The following RASAL1 variants were observed in gnomAD, a reference collection of about 807,000 sequenced individuals.
RASAL1 encodes the protein rasGAP-activating-like protein 1.
RASAL1 carries 72 observed loss-of-function variants against 96.6 expected under a neutral mutation model. That is an observed-to-expected ratio of 0.75 (90% CI 0.62 to 0.91). RASAL1 has a LOEUF of 0.91. Among genes scored for constraint, RASAL1 ranks in the 40% least tolerant of loss-of-function variants. The probability of loss-of-function intolerance (pLI) is 0.00; values close to 1 mark genes in which losing one functional copy is unlikely to be tolerated. For missense variants in RASAL1, 1,016 were observed against 1,072.5 expected (o/e 0.95, Z 0.74); for synonymous variants, 405 against 430.4 (o/e 0.94, Z 0.73).
rs765881845 is a variant in RASAL1 at position 113,130,863 on chromosome 12, C to A, written c.122+22G>T. 2.5e-6 allele frequency: 4 copies of A among 1,605,784 alleles called. No individual in the cohort carries two copies. The highest frequency in any genetic ancestry group is 2.2e-5 in the South Asian group (2 of 90,500). On this transcript the variant is annotated intron_variant, in intron 2 of 20. Coordinates refer to ENST00000548055, the MANE Select transcript of RASAL1 (RefSeq NM_001301202.2). The surrounding 1 kb of genome is among the most constrained non-coding windows in gnomAD (Gnocchi z 5.1). Reference sequence around the variant, plus strand: ...AAAGAGACCCCTCCCTTCCTCCTCTCCCCCGTGTCGCCACCCCTCACCTGG... The same window carrying A: ...AAAGAGACCCCTCCCTTCCTCCTCTACCCCGTGTCGCCACCCCTCACCTGG...
chr12:113,105,687 G>A lies in RASAL1; in HGVS notation c.1830+27C>T, dbSNP rs759009906. 29 of 1,565,692 alleles carry A rather than the reference G, an allele frequency of 1.9e-5. No individual in the cohort carries two copies. In the South Asian group the frequency reaches 3.2e-4, roughly 17 times the overall value. ...CACTGAAAAAGGCCACCCCTGGAAA[G>A]CCCTCCATAGTGGACTGGAACCCCA... On this transcript the variant is annotated intron_variant, in intron 16 of 20. Coordinates refer to ENST00000548055, the MANE Select transcript of RASAL1 (RefSeq NM_001301202.2).
rs982176623 is a variant in RASAL1 at position 113,129,203 on chromosome 12, C to T, written c.123-1025G>A. 6.6e-6 allele frequency among the ~76,000 whole-genome samples: 1 copy of T among 152,166 alleles called. No individual in the cohort carries two copies. Among genetic ancestry groups the T allele is most frequent in the African/African-American group, 2.4e-5 (1 of 41,438 alleles). ...GTCCTGGGATTGGGGTTAGCTCAATCGCCCCTGGTTGGGTCGTGGGGGTAG... is the reference window on the plus strand; with the variant it reads ...GTCCTGGGATTGGGGTTAGCTCAATTGCCCCTGGTTGGGTCGTGGGGGTAG... On this transcript the variant is annotated intron_variant, in intron 2 of 20. Coordinates refer to ENST00000548055, the MANE Select transcript of RASAL1 (RefSeq NM_001301202.2). This position sits in a 1 kb window ranked among gnomAD's most constrained non-coding sequence, Gnocchi z 5.0.
chr12:113,115,973 G>C lies in RASAL1; in HGVS notation c.810C>G (p.Leu270=), dbSNP rs1323091072. 1 of 1,610,112 alleles carries C rather than the reference G, an allele frequency of 6.2e-7. No individual in the cohort carries two copies. The highest frequency in any genetic ancestry group is 8.5e-7 in the Non-Finnish European group (1 of 1,177,834). ...RVLPSQCYQP[L]MELLMESVQG... ...GCACAGACTCCATGAGCAGCTCCAT[G>C]AGAGGCTGGTAGCACTGGGAGGGCA... Residue 270 remains leucine, a synonymous_variant, in exon 9 of 21, where the codon CTC becomes CTG. Transcript: ENST00000548055. This position sits in a 1 kb window ranked among gnomAD's most constrained non-coding sequence, Gnocchi z 4.1.
chr12:113,135,507 C>G lies in RASAL1; in HGVS notation c.-45G>C. The G allele has an allele frequency of 6.5e-7, 1 of 1,526,992 alleles. No individual in the cohort carries two copies. The highest frequency in any genetic ancestry group is 8.9e-7 in the Non-Finnish European group (1 of 1,120,628). The allele number at this position is 1,526,992 out of a possible 1,614,324, so 94.6% of individuals were successfully genotyped here. On this transcript the variant is annotated 5_prime_UTR_variant, in exon 1 of 21. Coordinates refer to ENST00000548055, the MANE Select transcript of RASAL1 (RefSeq NM_001301202.2). This position sits in a 1 kb window ranked among gnomAD's most constrained non-coding sequence, Gnocchi z 5.7. ...TCCAGGCAGAAGGGCGCTCAGGTTC[C>G]GAGGCTGGACCAGGGGACGTCTACA...
intron 20 of RASAL1, 21 bp downstream of exon 20, chr12:113,100,607 C>G: frequency 1.3e-6 from 2 of 1,597,408 alleles, no homozygotes; most frequent in Non-Finnish European, 1.7e-6. Flanking sequence ...CCTTTACCTT[C>G]TGAGGTACAG....
At chr12:113,109,561 C>G (rs1374762422) in intron 13 of RASAL1, among the ~76,000 whole-genome samples, 1 of 152,140 alleles carries the variant, frequency 6.6e-6, no homozygotes, top group African/African-American at 2.4e-5. Flanking sequence ...GCATCTTGCT[C>G]CCCCCAAACC....
chr12:113,119,978 T>C (rs905140734), intron 5 of RASAL1, among the ~76,000 whole-genome samples: 10 of 152,028 alleles, frequency 6.6e-5, no homozygotes, highest in Non-Finnish European at 4.4e-5. Flanking sequence ...GGGTGCTTGG[T>C]TCATTTATTC....
rs1186452748 is a variant in RASAL1 at position 113,135,594 on chromosome 12, G to A, written c.-132C>T. On this transcript the variant is annotated 5_prime_UTR_variant, in exon 1 of 21. Transcript: ENST00000548055. The surrounding 1 kb of genome is among the most constrained non-coding windows in gnomAD (Gnocchi z 5.7). The stretch of plus-strand genomic sequence containing the variant: ...TCCCAGTGCCGCCTGTCCGAGACCC[G>A]GGTAGCTGGATGGGAGATTTCCGAA... 6.6e-6 allele frequency: 5 copies of A among 754,046 alleles called. No homozygotes were observed. In the South Asian group the frequency reaches 7.0e-5, roughly 11 times the overall value. 46.7% of individuals were successfully genotyped at this position (754,046 alleles called of 1,614,324 possible).
intron 5 of RASAL1, among the ~76,000 whole-genome samples, chr12:113,120,136 G>A (rs1951237557): frequency 6.6e-6 from 1 of 152,076 alleles, no homozygotes; most frequent in South Asian, 2.1e-4. Flanking sequence ...TCCAAACCCA[G>A]GAACACACCA....
chr12:113,133,639 A>C (rs1258338979), intron 1 of RASAL1, among the ~76,000 whole-genome samples: 1 of 152,144 alleles, frequency 6.6e-6, no homozygotes, highest in Non-Finnish European at 1.5e-5. Flanking sequence ...TTAGGAGAAG[A>C]GGGAAAGAAC....
At chr12:113,103,078 G>T (rs938431121) in intron 18 of RASAL1, 2 of 329,012 alleles carry the variant, frequency 6.1e-6, no homozygotes, top group Middle Eastern at 7.4e-4. Flanking sequence ...AATCTCAAAC[G>T]TCTCATCTTG....
chr12:113,114,473 CAAAAAAAAA>C (rs35235298), intron 12 of RASAL1, among the ~76,000 whole-genome samples: 6 of 138,842 alleles, frequency 4.3e-5, no homozygotes, highest in African/African-American at 1.6e-4. Context: ...AACCTTGTCT[CAAAAAAAAA>C]AAAAAAAGAA....
intron 4 of RASAL1, among the ~76,000 whole-genome samples, chr12:113,124,476 T>C (rs538388335): frequency 6.6e-6 from 1 of 152,312 alleles, no homozygotes; most frequent in South Asian, 2.1e-4. Flanking sequence ...TGTTTTCCTA[T>C]CCAAGTCCAC....
chr12:113,119,189 GA>G lies in RASAL1; in HGVS notation c.580del (p.Ser194ProfsTer59), dbSNP rs1298348440. 1 of 1,613,946 alleles carries G rather than the reference GA, an allele frequency of 6.2e-7. No homozygotes were observed. The highest frequency in any genetic ancestry group is 1.3e-5 in the African/African-American group (1 of 74,942). ...GTCCCAGAGCTCCACCCGCAGTGGGGACGGGGCACCTGGCATCTCCCGCAGC... is the reference window on the plus strand; with the variant it reads ...GTCCCAGAGCTCCACCCGCAGTGGGGCGGGGCACCTGGCATCTCCCGCAGC... ...LELREMPGAP[S>X]PLRVELWDWD... On this transcript the variant is annotated frameshift_variant, in exon 7 of 21. Coordinates refer to ENST00000548055, the MANE Select transcript of RASAL1 (RefSeq NM_001301202.2). LOFTEE classifies it high-confidence loss of function.
Position 113,100,033 on chromosome 12 carries a change from C to T in RASAL1, c.2314G>A (p.Ala772Thr). Residue 772 changes from alanine to threonine, a missense_variant, in exon 21 of 21, where the codon GCA (alanine) becomes ACA (threonine). Transcript: ENST00000548055. The stretch of plus-strand genomic sequence containing the variant: ...AGCACCTCCAGCAGGCGGGCAGTTG[C>T]TGCTCTTTGCCGGGCCAGGACCTCA... The part of the protein sequence containing the change: ...CPEVLARQRA[A>T]TARLLEVLAD... The T allele has an allele frequency of 6.2e-7, 1 of 1,613,118 alleles. No individual in the cohort carries two copies. Among genetic ancestry groups the T allele is most frequent in the Non-Finnish European group, 8.5e-7 (1 of 1,179,446 alleles).
chr12:113,109,633 T>C (rs944269218), intron 13 of RASAL1, among the ~76,000 whole-genome samples: 1 of 152,210 alleles, frequency 6.6e-6, no homozygotes, highest in African/African-American at 2.4e-5. Context: ...TGCGCCTGTG[T>C]TTATTCAGAG....
chr12:113,109,050 T>G (rs1028518019), intron 13 of RASAL1, among the ~76,000 whole-genome samples: 2 of 150,434 alleles, frequency 1.3e-5, no homozygotes, highest in African/African-American at 4.9e-5. Context: ...TGTGTTTTTT[T>G]TTTTTTTTTT....
At chr12:113,131,248 G>T (rs567620265) in intron 1 of RASAL1, among the ~76,000 whole-genome samples, 223 of 146,012 alleles carry the variant, frequency 1.5e-3, no homozygotes, top group African/African-American at 5.2e-3. Flanking sequence ...GAGCGTGTGT[G>T]GGGGGGGTGG....
intron 13 of RASAL1, among the ~76,000 whole-genome samples, chr12:113,109,174 C>A (rs1950769426): frequency 6.6e-6 from 1 of 152,002 alleles, no homozygotes; most frequent in African/African-American, 2.4e-5. Flanking sequence ...AGCCACCTCG[C>A]CCAGCCAAGG....
Sources: gnomAD v4.1 joint callset for allele counts (sites outside exome capture counted in the v4.1 genomes callset) on GRCh38, gnomAD v4.1.1 for gene constraint, Gnocchi (gnomAD v3.1) non-coding constraint, MANE v1.5 for transcripts, NCBI Gene and HGNC (gene_info 2026-07-23, HGNC 2026-07-21) for gene names.